Variants in CHST11 observed in about 807,000 individuals in gnomAD.
CHST11 encodes C4S-1.
In CHST11, 9 loss-of-function variants were observed where a neutral mutation model predicts 30.4. The observed-to-expected ratio is 0.30, with a 90% confidence interval of 0.18 to 0.52. The LOEUF is 0.52. Among genes scored for constraint, CHST11 ranks in the 20% least tolerant of loss-of-function variants. CHST11 has a pLI of 0.97. For missense variants in CHST11, 348 were observed against 460.6 expected (o/e 0.76, Z 2.24); for synonymous variants, 152 against 187.8 (o/e 0.81, Z 1.56).
At chr12:104,581,545 C>T (rs17035880) in intron 1 of CHST11, among the ~76,000 whole-genome samples, 3,547 of 152,150 alleles carry the variant, frequency 0.023, 147 homozygotes, top group African/African-American at 0.08. Flanking sequence ...GACTGGAAAC[C>T]GTTGATTTAA....
At chr12:104,514,306 T>C in intron 1 of CHST11, 2 of 913,000 alleles carry the variant, frequency 2.2e-6, no homozygotes, top group Non-Finnish European at 3.7e-6. Flanking sequence ...TTTGGCAGCC[T>C]GATCATTGGC....
chr12:104,533,534 T>C (rs2038206398), intron 1 of CHST11, among the ~76,000 whole-genome samples: 1 of 152,240 alleles, frequency 6.6e-6, no homozygotes, highest in African/African-American at 2.4e-5. Flanking sequence ...TCAAGGCTTA[T>C]TTTGATGGTT....
intron 2 of CHST11, among the ~76,000 whole-genome samples, chr12:104,717,861 A>G (rs1178752529): frequency 6.6e-6 from 1 of 152,090 alleles, no homozygotes; most frequent in Non-Finnish European, 1.5e-5. Flanking sequence ...GAGGCAGGAG[A>G]ATCGCTTGAA....
chr12:104,616,380 A>G (rs2039107943), intron 2 of CHST11, among the ~76,000 whole-genome samples: 1 of 152,172 alleles, frequency 6.6e-6, no homozygotes, highest in Non-Finnish European at 1.5e-5. Flanking sequence ...TCAAAGACAG[A>G]TCCAGGGACC....
chr12:104,610,900 T>A (rs539957295), intron 2 of CHST11, among the ~76,000 whole-genome samples: 4 of 152,332 alleles, frequency 2.6e-5, no homozygotes, highest in Non-Finnish European at 4.4e-5. Flanking sequence ...ATAAAATGCT[T>A]GTGGTTCAGT....
At chr12:104,585,022 C>T (rs2038788184) in intron 1 of CHST11, among the ~76,000 whole-genome samples, 1 of 152,204 alleles carries the variant, frequency 6.6e-6, no homozygotes, top group Admixed American at 6.5e-5. Context: ...GAAAATAATG[C>T]GAATGAACAA....
intron 1 of CHST11, among the ~76,000 whole-genome samples, chr12:104,485,285 C>T (rs1488681857): frequency 6.6e-6 from 1 of 152,124 alleles, no homozygotes; most frequent in Non-Finnish European, 1.5e-5. Context: ...AAGATTGACT[C>T]TTATAAAAAA....
intron 1 of CHST11, among the ~76,000 whole-genome samples, chr12:104,510,274 C>CA (rs1277034230): frequency 6.6e-6 from 1 of 152,134 alleles, no homozygotes; most frequent in Non-Finnish European, 1.5e-5. Context: ...CAATCTTAAC[C>CA]AAACCCTGCT....
At chr12:104,559,418 C>A (rs1166423442) in intron 1 of CHST11, among the ~76,000 whole-genome samples, 1 of 152,220 alleles carries the variant, frequency 6.6e-6, no homozygotes, top group African/African-American at 2.4e-5. Context: ...CTTCATGGAG[C>A]CTCCATTCTG....
rs1592848393 is a variant in CHST11 at position 104,704,021 on chromosome 12, A to G, written c.205-52928A>G. Among the ~76,000 whole-genome samples, 2 of 152,222 alleles carry G rather than the reference A, an allele frequency of 1.3e-5. 1 individual carries two copies. Among genetic ancestry groups the G allele is most frequent in the East Asian group, 3.9e-4 (2 of 5,176 alleles). On this transcript the variant is annotated intron_variant, in intron 2 of 2. Coordinates refer to ENST00000303694, the MANE Select transcript of CHST11 (RefSeq NM_018413.6). The stretch of plus-strand genomic sequence containing the variant: ...TCGTAGCTGATTCTCCTTTTGTTGA[A>G]TGGGATATGTGTCCAGGGCCTGGTC...
intron 2 of CHST11, among the ~76,000 whole-genome samples, chr12:104,754,469 G>T (rs985177877): frequency 1.3e-5 from 2 of 152,188 alleles, no homozygotes; most frequent in African/African-American, 4.8e-5. Flanking sequence ...CATCCTCCAG[G>T]AGGCTGGACA....
At chr12:104,544,274 G>T (rs1428823188) in intron 1 of CHST11, among the ~76,000 whole-genome samples, 2 of 152,104 alleles carry the variant, frequency 1.3e-5, no homozygotes, top group Non-Finnish European at 2.9e-5. Flanking sequence ...TACTGTCTAG[G>T]CTAATTTCTT....
At chr12:104,538,103 A>G (rs144810656) in intron 1 of CHST11, among the ~76,000 whole-genome samples, 18 of 152,304 alleles carry the variant, frequency 1.2e-4, no homozygotes, top group African/African-American at 3.4e-4. Flanking sequence ...GTTGTTACCT[A>G]ATGTTCTTTT....
rs556445001 is a variant in CHST11 at position 104,572,550 on chromosome 12, C to G, written c.119-29356C>G. Among the ~76,000 whole-genome samples the G allele has an allele frequency of 4.6e-5, 7 of 152,204 alleles. No individual in the cohort carries two copies. In the East Asian group the frequency reaches 1.4e-3, roughly 29 times the overall value. ...ATGATAGTGTGTATTTCTGTGGGAT[C>G]GGTGGTGATATCCCCTTTATCATTT... On this transcript the variant is annotated intron_variant, in intron 1 of 2. Transcript: ENST00000303694.
intron 1 of CHST11, among the ~76,000 whole-genome samples, chr12:104,532,741 G>A (rs540728929): frequency 5.3e-4 from 81 of 152,244 alleles, no homozygotes; most frequent in African/African-American, 1.9e-3. Context: ...AGAGCCTTAT[G>A]GTTATAAGAC....
chr12:104,697,182 G>C (rs1444487053), intron 2 of CHST11, among the ~76,000 whole-genome samples: 5 of 152,108 alleles, frequency 3.3e-5, no homozygotes, highest in Admixed American at 3.3e-4. Flanking sequence ...GATTTCCCTG[G>C]GTCCTCCTCA....
chr12:104,527,792 T>A (rs867818992), intron 1 of CHST11, among the ~76,000 whole-genome samples: 1 of 152,332 alleles, frequency 6.6e-6, no homozygotes, highest in South Asian at 2.1e-4. Context: ...AGAGGTTTAA[T>A]TGATTCACAG....
At position 104,535,082 on chromosome 12, in the gene CHST11, G is replaced by A. The variant is rs960035558; in HGVS notation, c.119-66824G>A. Among the ~76,000 whole-genome samples the A allele has an allele frequency of 4.6e-5, 7 of 152,368 alleles. No homozygotes were observed. In the East Asian group the frequency reaches 1.3e-3, roughly 29 times the overall value. On this transcript the variant is annotated intron_variant, in intron 1 of 2. Transcript: ENST00000303694. ...GGGTTATAAAATCACTCCTTGTGGA[G>A]CTGTTTCTTCATGTTGTAAGAAAAC...
At chr12:104,725,978 G>A (rs1024405319) in intron 2 of CHST11, among the ~76,000 whole-genome samples, 1 of 152,140 alleles carries the variant, frequency 6.6e-6, no homozygotes, top group Admixed American at 6.5e-5. Context: ...CAGACCACAC[G>A]GAGCTCTTCA....
Sources: allele counts gnomAD v4.1 joint callset (sites outside exome capture counted in the v4.1 genomes callset), GRCh38; gene constraint gnomAD v4.1.1; transcripts MANE v1.5; gene names NCBI Gene and HGNC (gene_info 2026-07-23, HGNC 2026-07-21).